The following RTTN variants were observed in gnomAD, a reference collection of about 807,000 sequenced individuals.
RTTN encodes the protein rotatin.
A neutral mutation model predicts 269.2 loss-of-function variants in RTTN; 182 were observed. The ratio of observed to expected loss-of-function variants is 0.68; its 90% CI spans 0.60 to 0.76. The LOEUF (loss-of-function observed/expected upper bound fraction) is 0.76. RTTN is among the 30% of genes least tolerant of loss of function. The pLI is 0.00. For missense variants in RTTN, 2,545 were observed against 2,608.6 expected (o/e 0.98, Z 0.53); for synonymous variants, 1,006 against 963.5 (o/e 1.04, Z -0.82).
At chr18:70,004,998 C>A (rs2056138788) in intron 48 of RTTN, among the ~76,000 whole-genome samples, 200 bp downstream of exon 48, 1 of 152,194 alleles carries the variant, frequency 6.6e-6, no homozygotes, top group Admixed American at 6.5e-5. Flanking sequence ...ATCACAGATG[C>A]ATTTTTAGAA....
intron 31 of RTTN, among the ~76,000 whole-genome samples, 183 bp from the exon 32 acceptor site, chr18:70,086,867 GATGACCTTCTTAGGTA>G (rs2058715672): frequency 6.6e-6 from 1 of 152,048 alleles, no homozygotes; most frequent in African/African-American, 2.4e-5. Flanking sequence ...CTTGTTAGGT[GATGACCTTCTTAGGTA>G]ATGACCTTGT....
intron 30 of RTTN, among the ~76,000 whole-genome samples, chr18:70,089,082 C>T (rs531573859): frequency 2.0e-5 from 3 of 152,080 alleles, no homozygotes; most frequent in Admixed American, 6.6e-5. Context: ...ATAACCTTTT[C>T]TCTTTTATAT....
chr18:70,152,553 A>G, intron 14 of RTTN, among the ~76,000 whole-genome samples: 1 of 152,184 alleles, frequency 6.6e-6, no homozygotes, highest in East Asian at 1.9e-4. Flanking sequence ...TAACATATGC[A>G]CTTGATATAA....
chr18:70,072,159 G>A (rs1208641878), intron 34 of RTTN, among the ~76,000 whole-genome samples: 2 of 152,006 alleles, frequency 1.3e-5, no homozygotes, highest in Non-Finnish European at 2.9e-5. Flanking sequence ...AGTAGAATTA[G>A]GGTACGAAGA....
rs565584015 is a variant in RTTN, at chr18:70,060,449, T to C, written c.4748-407A>G. Reference sequence around the variant, plus strand: ...GGTTTTCTTCAGAGTAAAATCTTACTATTTTTATTATTTTTAAATTTTTAA... The same window carrying C: ...GGTTTTCTTCAGAGTAAAATCTTACCATTTTTATTATTTTTAAATTTTTAA... On this transcript the variant is annotated intron_variant, in intron 35 of 48. Coordinates refer to ENST00000640769, the MANE Select transcript of RTTN (RefSeq NM_173630.4). Among the ~76,000 whole-genome samples the C allele has an allele frequency of 3.9e-5, 6 of 152,284 alleles. No individual in the cohort carries two copies. In the South Asian group the frequency reaches 1.2e-3, roughly 32 times the overall value.
chr18:70,029,961 G>T, intron 42 of RTTN, 51 bp downstream of exon 42: 2 of 1,293,558 alleles, frequency 1.5e-6, no homozygotes, highest in South Asian at 2.5e-5. Context: ...GGCACAAGAG[G>T]ACTGGAGAAT....
At chr18:70,045,356 G>A (rs931738132) in intron 40 of RTTN, among the ~76,000 whole-genome samples, 1 of 152,080 alleles carries the variant, frequency 6.6e-6, no homozygotes, top group African/African-American at 2.4e-5. Context: ...ATTTGCCTAA[G>A]GTCCCATATC....
intron 26 of RTTN, among the ~76,000 whole-genome samples, chr18:70,120,466 A>G (rs2059707468): frequency 6.6e-6 from 1 of 152,194 alleles, no homozygotes; most frequent in Non-Finnish European, 1.5e-5. Flanking sequence ...ATTTTTACAT[A>G]AAATTATCTC....
chr18:70,196,667 G>A lies in RTTN; in HGVS notation c.694-19C>T, dbSNP rs73966831. ...AAAGGCTCTGAAATCAAGAAGAGCC[G>A]TGAAAATTACTAAGGGAACAAAGAG... On this transcript the variant is annotated intron_variant, in intron 6 of 48. Transcript: ENST00000640769. The A allele has an allele frequency of 1.9e-3, 3,062 of 1,604,496 alleles. 45 individuals carry two copies. The African/African-American group carries it at 0.031, about 16-fold the overall frequency.
intron 28 of RTTN, among the ~76,000 whole-genome samples, chr18:70,097,814 TCATTTCAA>T (rs2059042176): frequency 6.6e-6 from 1 of 152,206 alleles, no homozygotes; most frequent in Admixed American, 6.5e-5. Context: ...CATTAACAGT[TCATTTCAA>T]TTTCTGGTAT....
chr18:70,190,664 C>G lies in RTTN; in HGVS notation c.1063G>C (p.Asp355His). ...TCTGGCAGATCTATGTGTCCCATAT[C>G]CAAAGGTGAATGAACGGATATCCTG... ...NSRISVHSPL[D>H]MGHIDLPELE... The change falls in exon 9 of 49, where the codon GAT becomes CAT. Residue 355 changes from aspartate to histidine, a missense_variant. Physicochemically the swap from Asp to His is moderately conservative, Grantham distance 81. Coordinates refer to ENST00000640769, the MANE Select transcript of RTTN (RefSeq NM_173630.4). The G allele has an allele frequency of 6.2e-7, 1 of 1,613,440 alleles. No individual in the cohort carries two copies. Among genetic ancestry groups the G allele is most frequent in the Non-Finnish European group, 8.5e-7 (1 of 1,179,420 alleles).
intron 41 of RTTN, 78 bp from the exon 42 acceptor site, chr18:70,030,187 C>A: frequency 1.1e-6 from 1 of 920,006 alleles, no homozygotes; most frequent in South Asian, 1.7e-5. Context: ...CAATCAGATT[C>A]TCAAAAAGGT....
intron 26 of RTTN, among the ~76,000 whole-genome samples, chr18:70,116,954 A>C (rs1490363429): frequency 1.3e-5 from 2 of 152,068 alleles, no homozygotes; most frequent in Non-Finnish European, 2.9e-5. Context: ...ATTCAAATTC[A>C]GCACTTCTAG....
intron 35 of RTTN, chr18:70,061,288 A>G (rs2057977146): frequency 2.2e-6 from 1 of 454,324 alleles, no homozygotes; most frequent in African/African-American, 2.0e-5. Context: ...GAACACCTCC[A>G]TTAACCTTTG....
chr18:70,034,931 T>C lies in RTTN; in HGVS notation c.5542-3950A>G, dbSNP rs376223449. 1.5e-3 allele frequency among the ~76,000 whole-genome samples: 233 copies of C among 152,156 alleles called. 3 individuals carry two copies. In the South Asian group the frequency reaches 0.029, roughly 19 times the overall value. The stretch of plus-strand genomic sequence containing the variant: ...GCCGAGAGGCAAATCAGGAATGCAA[T>C]CCCATTCACAACTGCCACCAAAACA... On this transcript the variant is annotated intron_variant, in intron 40 of 48. Coordinates refer to ENST00000640769, the MANE Select transcript of RTTN (RefSeq NM_173630.4).
chr18:70,115,914 G>A (rs1357737124), intron 26 of RTTN, among the ~76,000 whole-genome samples: 1 of 151,822 alleles, frequency 6.6e-6, no homozygotes, highest in African/African-American at 2.4e-5. Flanking sequence ...TAATATAACT[G>A]AGAGCTTTTG....
At chr18:70,142,146 C>A (rs574296808) in intron 19 of RTTN, 142 bp downstream of exon 19, 18 of 583,692 alleles carry the variant, frequency 3.1e-5, no homozygotes, top group African/African-American at 3.0e-4. Flanking sequence ...GATGCAAAAA[C>A]CATTCTTGAG....
At chr18:70,159,253 G>T (rs1056307505) in intron 14 of RTTN, among the ~76,000 whole-genome samples, 2 of 152,068 alleles carry the variant, frequency 1.3e-5, no homozygotes, top group Admixed American at 6.5e-5. Flanking sequence ...AGGCCACAGT[G>T]CAATAAAAAT....
At chr18:70,045,080 G>C (rs1464800278) in intron 40 of RTTN, among the ~76,000 whole-genome samples, 1 of 152,112 alleles carries the variant, frequency 6.6e-6, no homozygotes, top group Non-Finnish European at 1.5e-5. Flanking sequence ...AATGCTCAAA[G>C]TCTGAAACCA....
Sources: gnomAD v4.1 joint callset for allele counts (sites outside exome capture counted in the v4.1 genomes callset) on GRCh38, gnomAD v4.1.1 for gene constraint, MANE v1.5 for transcripts, NCBI Gene and HGNC (gene_info 2026-07-23, HGNC 2026-07-21) for gene names.